The following PXDNL variants were observed in gnomAD, a reference collection of about 807,000 sequenced individuals.
The protein encoded by PXDNL is probable oxidoreductase PXDNL.
PXDNL carries 145 observed loss-of-function variants against 150.8 expected under a neutral mutation model. The ratio of observed to expected loss-of-function variants is 0.96; its 90% CI spans 0.84 to 1.10. PXDNL has a LOEUF of 1.10. Ranked by LOEUF, PXDNL falls within the 50% of genes least tolerant of loss-of-function variation. The pLI is 0.00. For synonymous variants in PXDNL, 757 were observed against 725.7 expected (o/e 1.04, Z -0.69); for missense variants, 2,087 against 1,873.9 (o/e 1.11, Z -2.10).
At chr8:51,764,695 T>G (rs541900357) in intron 1 of PXDNL, among the ~76,000 whole-genome samples, 4 of 152,316 alleles carry the variant, frequency 2.6e-5, no homozygotes, top group South Asian at 4.1e-4. Flanking sequence ...CAGTCCTTTT[T>G]AATTTAGTGA....
At chr8:51,790,237 G>A (rs891368085) in intron 1 of PXDNL, among the ~76,000 whole-genome samples, 16 of 149,932 alleles carry the variant, frequency 1.1e-4, no homozygotes, top group African/African-American at 3.0e-4. Context: ...CCTCCATTTC[G>A]AAAGAGAATG....
chr8:51,773,482 G>C (rs937466667), intron 1 of PXDNL, among the ~76,000 whole-genome samples: 1 of 152,192 alleles, frequency 6.6e-6, no homozygotes, highest in South Asian at 2.1e-4. Flanking sequence ...GGACATCATA[G>C]TGCAGAGAAA....
chr8:51,578,053 AGAAAGAAAG>A (rs1420640190), intron 3 of PXDNL, among the ~76,000 whole-genome samples: 3 of 127,090 alleles, frequency 2.4e-5, no homozygotes, highest in Non-Finnish European at 5.2e-5. Flanking sequence ...AAGGAAGGAA[AGAAAGAAAG>A]GAAAGAAAGA....
chr8:51,623,122 C>T (rs1455875975), intron 2 of PXDNL, among the ~76,000 whole-genome samples: 2 of 152,240 alleles, frequency 1.3e-5, no homozygotes, highest in African/African-American at 2.4e-5. Context: ...ATCTTCTAGC[C>T]GCACTACCCA....
intron 2 of PXDNL, among the ~76,000 whole-genome samples, chr8:51,614,543 G>A (rs1814093102): frequency 6.6e-6 from 1 of 152,182 alleles, no homozygotes; most frequent in Admixed American, 6.5e-5. Context: ...TATTCTGGTT[G>A]GGAGTAGAGA....
intron 17 of PXDNL, among the ~76,000 whole-genome samples, chr8:51,393,779 G>A (rs1034947421): frequency 1.3e-5 from 2 of 152,304 alleles, no homozygotes; most frequent in African/African-American, 4.8e-5. Context: ...GGGCCCCAGC[G>A]AAGGAGTGTG....
intron 4 of PXDNL, among the ~76,000 whole-genome samples, chr8:51,555,750 C>A (rs1812586252): frequency 6.6e-6 from 1 of 152,136 alleles, no homozygotes; most frequent in Non-Finnish European, 1.5e-5. Context: ...TGGGAAAAAT[C>A]TTTTTAATTA....
chr8:51,801,930 T>C (rs536046877), intron 1 of PXDNL, among the ~76,000 whole-genome samples: 2 of 152,306 alleles, frequency 1.3e-5, no homozygotes, highest in African/African-American at 4.8e-5. Context: ...GGCAGGTGCC[T>C]CTTTTACTTA....
At chr8:51,392,876 T>C (rs930940119) in intron 17 of PXDNL, among the ~76,000 whole-genome samples, 3 of 152,166 alleles carry the variant, frequency 2.0e-5, no homozygotes, top group Non-Finnish European at 2.9e-5. Flanking sequence ...GAGAAATTGA[T>C]TGGCATAAAA....
intron 6 of PXDNL, among the ~76,000 whole-genome samples, chr8:51,479,841 T>C (rs1810562099): frequency 6.6e-6 from 1 of 152,184 alleles, no homozygotes. Context: ...AACAAATCTG[T>C]ACTTGTACCC....
At chr8:51,461,015 A>G (rs558122601) in intron 8 of PXDNL, among the ~76,000 whole-genome samples, 2 of 152,226 alleles carry the variant, frequency 1.3e-5, no homozygotes, top group South Asian at 4.1e-4. Flanking sequence ...AGCTGCTCCC[A>G]TAAAAGCATG....
chr8:51,368,861 T>C (rs955420614), intron 19 of PXDNL, among the ~76,000 whole-genome samples: 2 of 152,016 alleles, frequency 1.3e-5, no homozygotes, highest in Non-Finnish European at 2.9e-5. Flanking sequence ...CCGGGCGCAG[T>C]GGTGCGGGCC....
chr8:51,379,234 T>G (rs577114573), intron 17 of PXDNL, among the ~76,000 whole-genome samples: 8 of 152,308 alleles, frequency 5.3e-5, no homozygotes, highest in Non-Finnish European at 8.8e-5. Flanking sequence ...CTCTCACTAA[T>G]TGAAGGTATG....
At position 51,371,883 on chromosome 8, in the gene PXDNL, G is replaced by A. The variant is rs182887937; in HGVS notation, c.3891C>T (p.Asp1297=). 17 of 1,613,658 alleles carry A rather than the reference G, an allele frequency of 1.1e-5. No individual in the cohort carries two copies. The East Asian group carries it at 2.5e-4, about 23-fold the overall frequency. Residue 1297 remains aspartate (D), a synonymous_variant, in exon 19 of 23, where the codon GAC becomes GAT. Coordinates refer to ENST00000356297, the MANE Select transcript of PXDNL (RefSeq NM_144651.5). The part of the protein sequence containing the change: ...IPKVDLRVWQ[D]CCADCRSRGQ... Reference sequence around the variant, plus strand: ...TGCATTATTACTGACCTGCACAGCAGTCTTGCCACACTCGCAGGTCCACCT... The same window carrying A: ...TGCATTATTACTGACCTGCACAGCAATCTTGCCACACTCGCAGGTCCACCT...
In PXDNL at chr8:51,809,416, C is replaced by T. The variant is rs1163008958; in HGVS notation, c.-72G>A. The T allele has an allele frequency of 8.5e-6, 12 of 1,413,796 alleles. No homozygotes were observed. The highest frequency in any genetic ancestry group is 1.6e-5 in the African/African-American group (1 of 64,002). 87.6% of individuals were successfully genotyped at this position (1,413,796 alleles called of 1,614,324 possible). A position where few individuals can be genotyped will look rare whatever the true frequency, so the allele number is the denominator to read the frequency against. ...CAGCAGCTGCAGCTGCAGCAGCAAC[C>T]GCAGTGGTGGTGATGGTGGCTGCTG... On this transcript the variant is annotated 5_prime_UTR_variant, in exon 1 of 23. Coordinates refer to ENST00000356297, the MANE Select transcript of PXDNL (RefSeq NM_144651.5).
At chr8:51,531,589 G>A (rs559437312) in intron 4 of PXDNL, among the ~76,000 whole-genome samples, 2 of 152,172 alleles carry the variant, frequency 1.3e-5, no homozygotes, top group South Asian at 4.1e-4. Flanking sequence ...TGAACACAGA[G>A]CTCTGTTGGG....
At chr8:51,382,965 C>T (rs911721199) in intron 17 of PXDNL, among the ~76,000 whole-genome samples, 20 of 152,132 alleles carry the variant, frequency 1.3e-4, no homozygotes, top group Admixed American at 4.6e-4. Context: ...TTAACTATTC[C>T]TATCCTTATT....
rs113753467 is a variant in PXDNL, at chr8:51,400,364, C to T, written c.3557+7703G>A. Among the ~76,000 whole-genome samples the T allele has an allele frequency of 7.0e-3, 1,064 of 152,200 alleles. 9 individuals are homozygous for T. The highest frequency in any genetic ancestry group is 0.024 in the African/African-American group (1,006 of 41,506). On this transcript the variant is annotated intron_variant, in intron 17 of 22. Coordinates refer to ENST00000356297, the MANE Select transcript of PXDNL (RefSeq NM_144651.5). ...TTCCACTTGTGGCATCATGATAGTACTAAAAAATTTTGGATTTTTGATTTT... is the reference window on the plus strand; with the variant it reads ...TTCCACTTGTGGCATCATGATAGTATTAAAAAATTTTGGATTTTTGATTTT...
Position 51,402,913 on chromosome 8 carries a change from A to G in PXDNL, c.3557+5154T>C, listed in dbSNP as rs1808303572. ...CCGTCTCTACTAAAAATACACACACACACACACACACACACACACACACAA... is the reference window on the plus strand; with the variant it reads ...CCGTCTCTACTAAAAATACACACACGCACACACACACACACACACACACAA... On this transcript the variant is annotated intron_variant, in intron 17 of 22. Transcript: ENST00000356297. Among the ~76,000 whole-genome samples the G allele has an allele frequency of 4.1e-5, 6 of 148,038 alleles. No individual in the cohort carries two copies. In the South Asian group the frequency reaches 1.1e-3, roughly 26 times the overall value.
Sources: allele counts gnomAD v4.1 joint callset (sites outside exome capture counted in the v4.1 genomes callset), GRCh38; gene constraint gnomAD v4.1.1; transcripts MANE v1.5; gene names NCBI Gene and HGNC (gene_info 2026-07-23, HGNC 2026-07-21).